Variants in DNM3 observed in about 807,000 individuals in gnomAD.
The protein encoded by DNM3 is dynamin 3.
A neutral mutation model predicts 101.6 loss-of-function variants in DNM3; 47 were observed. The ratio of observed to expected loss-of-function variants is 0.46; its 90% CI spans 0.37 to 0.59. DNM3 has a LOEUF of 0.59. DNM3 is among the 20% of genes least tolerant of loss of function. The probability of loss-of-function intolerance (pLI) is 0.00; values close to 1 mark genes in which losing one functional copy is unlikely to be tolerated. For synonymous variants in DNM3, 385 were observed against 387.9 expected, an observed-to-expected ratio of 0.99 and a Z score of 0.09; for missense variants, 849 against 1,085.7, an observed-to-expected ratio of 0.78 and a Z score of 3.06.
chr1:171,845,504 T>C (rs1413316638), intron 1 of DNM3, among the ~76,000 whole-genome samples: 1 of 152,156 alleles, frequency 6.6e-6, no homozygotes, highest in Non-Finnish European at 1.5e-5. Context: ...AAGTGAGCCA[T>C]GATTGTGCCA....
chr1:172,413,527 C>T (rs2071323421), downstream of DNM3, among the ~76,000 whole-genome samples: 1 of 152,202 alleles, frequency 6.6e-6, no homozygotes, highest in South Asian at 2.1e-4. Context: ...GCACCCGGCC[C>T]AGTTTCCCCA....
chr1:172,407,088 C>T (rs544842050), intron 20 of DNM3, among the ~76,000 whole-genome samples: 1 of 151,998 alleles, frequency 6.6e-6, no homozygotes, highest in Admixed American at 6.6e-5. Context: ...ATCTAAAGTA[C>T]GTTTGCTTAG....
intron 1 of DNM3, among the ~76,000 whole-genome samples, chr1:171,883,802 C>A (rs1484339753): frequency 6.6e-6 from 1 of 152,154 alleles, no homozygotes; most frequent in Admixed American, 6.5e-5. Flanking sequence ...ATTACTTAAG[C>A]ACATGTATAT....
chr1:172,060,153 C>T (rs202145901), intron 10 of DNM3, among the ~76,000 whole-genome samples: 18 of 136,242 alleles, frequency 1.3e-4, no homozygotes, highest in East Asian at 4.6e-4. Context: ...TGTGAAGGAC[C>T]TCTTCAAGGA....
At chr1:172,349,185 T>G (rs1299677214) in intron 17 of DNM3, among the ~76,000 whole-genome samples, 3 of 152,182 alleles carry the variant, frequency 2.0e-5, no homozygotes, top group African/African-American at 2.4e-5. Flanking sequence ...TAAAGTGCTA[T>G]ATACTGACTA....
chr1:171,967,219 C>T (rs1179212609), intron 2 of DNM3, among the ~76,000 whole-genome samples: 2 of 152,110 alleles, frequency 1.3e-5, no homozygotes, highest in Non-Finnish European at 2.9e-5. Flanking sequence ...CAGTCTCATA[C>T]TTACAGATTT....
At chr1:172,108,692 T>C (rs936462307) in intron 13 of DNM3, among the ~76,000 whole-genome samples, 2 of 152,248 alleles carry the variant, frequency 1.3e-5, no homozygotes, top group Non-Finnish European at 2.9e-5. Context: ...GGCTGAATTA[T>C]ATGGGATGAA....
chr1:172,084,696 G>A (rs780520482), intron 12 of DNM3, among the ~76,000 whole-genome samples: 19 of 152,114 alleles, frequency 1.2e-4, no homozygotes, highest in Non-Finnish European at 1.5e-4. Context: ...AGCCATATTT[G>A]AAGACAATTA....
chr1:172,025,361 G>A (rs914974989), intron 4 of DNM3, among the ~76,000 whole-genome samples: 45 of 152,286 alleles, frequency 3.0e-4, no homozygotes, highest in Non-Finnish European at 8.8e-5. Context: ...GGGAAGGGGC[G>A]GCTGTGGGTG....
At chr1:171,996,638 C>T (rs915168365) in intron 4 of DNM3, among the ~76,000 whole-genome samples, 3 of 152,068 alleles carry the variant, frequency 2.0e-5, no homozygotes, top group African/African-American at 7.2e-5. Flanking sequence ...AGTTATTTAA[C>T]TTCTTTGAAC....
intron 2 of DNM3, among the ~76,000 whole-genome samples, chr1:171,954,607 C>G (rs2042737543): frequency 6.6e-6 from 1 of 152,190 alleles, no homozygotes. Context: ...ATACGCAGTT[C>G]CCTCTGTGGG....
At chr1:171,868,781 T>C (rs2035000819) in intron 1 of DNM3, among the ~76,000 whole-genome samples, 2 of 152,174 alleles carry the variant, frequency 1.3e-5, no homozygotes, top group African/African-American at 2.4e-5. Flanking sequence ...GTGTCCTTTG[T>C]ACAATTTCTT....
Position 172,019,958 on chromosome 1 carries a change from A to C in DNM3, c.590-12444A>C, listed in dbSNP as rs562863778. On this transcript the variant is annotated intron_variant, in intron 4 of 20. Coordinates refer to ENST00000627582, the MANE Select transcript of DNM3 (RefSeq NM_015569.5). ...CCCAGTCTGATAACTCTAACATTAG[A>C]GTTAGAGTTCTGAGTCTGGTTCTGA... 4.6e-5 allele frequency among the ~76,000 whole-genome samples: 7 copies of C among 151,882 alleles called. No individual in the cohort carries two copies. In the South Asian group the frequency reaches 1.5e-3, roughly 32 times the overall value.
At chr1:171,887,519 A>G (rs969283835) in intron 1 of DNM3, among the ~76,000 whole-genome samples, 1 of 152,138 alleles carries the variant, frequency 6.6e-6, no homozygotes, top group African/African-American at 2.4e-5. Flanking sequence ...CTTTGGTTTG[A>G]CTTTGTTATT....
At position 172,044,394 on chromosome 1, in the gene DNM3, A is replaced by C; in HGVS notation, c.1138A>C (p.Asn380His). ...CATTTTGCATCTGCAGATGGAGTTC[A>C]ATGAGAAAGAATTGCGAAGAGAAAT... is the stretch of plus-strand genomic sequence containing the variant. The part of the protein sequence containing the change: ...FPFEIVKMEF[N>H]EKELRREISY... Residue 380 changes from asparagine (N) to histidine (H), a missense_variant, in exon 9 of 21, where the codon AAT becomes CAT. Physicochemically the swap from Asn to His is moderately conservative, Grantham distance 68 (BLOSUM62 1). Around this residue, in one of 5 missense-constraint regions of DNM3, gnomAD observed 388 missense variants for 483.0 expected, o/e 0.80. Coordinates refer to ENST00000627582, the MANE Select transcript of DNM3 (RefSeq NM_015569.5). 1.2e-6 allele frequency: 2 copies of C among 1,607,560 alleles called. No individual in the cohort carries two copies. Among genetic ancestry groups the C allele is most frequent in the Non-Finnish European group, 1.7e-6 (2 of 1,176,930 alleles).
At chr1:172,197,819 T>A (rs2060008996) in intron 14 of DNM3, among the ~76,000 whole-genome samples, 1 of 152,140 alleles carries the variant, frequency 6.6e-6, no homozygotes, top group Admixed American at 6.6e-5. Context: ...GCTGAGACTC[T>A]GTGGTTTTCT....
At chr1:172,191,044 G>T (rs1375296422) in intron 14 of DNM3, among the ~76,000 whole-genome samples, 4 of 151,964 alleles carry the variant, frequency 2.6e-5, no homozygotes, top group Non-Finnish European at 4.4e-5. Context: ...GTCAATTTTG[G>T]CTTTTGTTGC....
At chr1:172,160,096 G>A (rs2058493127) in intron 14 of DNM3, among the ~76,000 whole-genome samples, 1 of 151,614 alleles carries the variant, frequency 6.6e-6, no homozygotes, top group African/African-American at 2.4e-5. Context: ...TGTAAAGGGC[G>A]TTTACTATCA....
chr1:172,078,543 T>G (rs1477354474), intron 11 of DNM3, among the ~76,000 whole-genome samples: 1 of 152,158 alleles, frequency 6.6e-6, no homozygotes, highest in Non-Finnish European at 1.5e-5. Flanking sequence ...TCTCCCGAAT[T>G]ACAGCACACT....
Sources: allele counts gnomAD v4.1 joint callset (sites outside exome capture counted in the v4.1 genomes callset), GRCh38; gene constraint gnomAD v4.1.1; regional missense constraint gnomAD v4.1.1; transcripts MANE v1.5; gene names NCBI Gene and HGNC (gene_info 2026-07-23, HGNC 2026-07-21).